Variants in GALNT2 observed in about 807,000 individuals in gnomAD.
GALNT2 encodes polypeptide N-acetylgalactosaminyltransferase 2.
In GALNT2, 31 loss-of-function variants were observed where a neutral mutation model predicts 81.4. That is an observed-to-expected ratio of 0.38 (90% confidence interval 0.29 to 0.51). GALNT2 has a LOEUF of 0.51. Among genes scored for constraint, GALNT2 ranks in the 20% least tolerant of loss-of-function variants. GALNT2 has a pLI of 0.87. For synonymous variants in GALNT2, 303 were observed against 287.4 expected (o/e 1.05, Z -0.55); for missense variants, 629 against 765.7 (o/e 0.82, Z 2.11).
intron 1 of GALNT2, among the ~76,000 whole-genome samples, chr1:230,073,550 GTT>G (rs1659439372): frequency 6.6e-6 from 1 of 152,226 alleles, no homozygotes; most frequent in Non-Finnish European, 1.5e-5. Context: ...AGCATGGGGT[GTT>G]TTATATGGAT....
At chr1:230,061,613 TG>T (rs1407029861) in intron 1 of GALNT2, among the ~76,000 whole-genome samples, 2 of 152,228 alleles carry the variant, frequency 1.3e-5, no homozygotes, top group African/African-American at 4.8e-5. Context: ...GATTTTATTT[TG>T]TTTTTTTAAT....
At chr1:230,178,818 T>A (rs932141361) in intron 2 of GALNT2, among the ~76,000 whole-genome samples, 1 of 152,126 alleles carries the variant, frequency 6.6e-6, no homozygotes, top group Non-Finnish European at 1.5e-5. Context: ...CTCTCGATGT[T>A]ACACATTCTG....
At chr1:230,248,796 C>T (rs1002676489) in intron 8 of GALNT2, among the ~76,000 whole-genome samples, 4 of 152,202 alleles carry the variant, frequency 2.6e-5, no homozygotes, top group Non-Finnish European at 5.9e-5. Flanking sequence ...GGAGGTACCA[C>T]GGCTTGATTT....
At chr1:230,196,136 T>C (rs997995428) in intron 2 of GALNT2, among the ~76,000 whole-genome samples, 1 of 152,252 alleles carries the variant, frequency 6.6e-6, no homozygotes, top group Non-Finnish European at 1.5e-5. Context: ...CAGCCCAGGC[T>C]AGAGGATTTG....
chr1:230,192,252 C>G (rs1011095532), intron 2 of GALNT2, among the ~76,000 whole-genome samples: 3 of 152,198 alleles, frequency 2.0e-5, no homozygotes, highest in Admixed American at 6.5e-5. Context: ...AGTTGTGGTT[C>G]CATCGTCTTA....
At position 230,255,356 on chromosome 1, in the gene GALNT2, A is replaced by C; in HGVS notation, c.1136+12A>C. 6.2e-7 allele frequency: 1 copy of C among 1,614,224 alleles called. No individual in the cohort carries two copies. Among genetic ancestry groups the C allele is most frequent in the Non-Finnish European group, 8.5e-7 (1 of 1,180,032 alleles). On this transcript the variant is annotated intron_variant, in intron 11 of 15. Coordinates refer to ENST00000366672, the MANE Select transcript of GALNT2 (RefSeq NM_004481.5). ...ACTGTCTTTGCCCGGTAAGTAGTGA[A>C]AGGCTGAGCGGGGTCCAAAACATTG...
At chr1:230,129,049 C>T (rs577905071) in intron 1 of GALNT2, among the ~76,000 whole-genome samples, 3 of 152,358 alleles carry the variant, frequency 2.0e-5, no homozygotes, top group East Asian at 1.9e-4. Flanking sequence ...GGCCAAATGC[C>T]GCCGCTAGCG....
At chr1:230,233,073 G>C (rs902538997) in intron 3 of GALNT2, among the ~76,000 whole-genome samples, 7 of 152,302 alleles carry the variant, frequency 4.6e-5, no homozygotes, top group Admixed American at 4.6e-4. Flanking sequence ...GAGGGAAAAC[G>C]AGTGTCTGTT....
chr1:230,207,963 A>G (rs890012774), intron 3 of GALNT2, among the ~76,000 whole-genome samples: 5 of 152,188 alleles, frequency 3.3e-5, no homozygotes, highest in African/African-American at 1.2e-4. Context: ...TTGGCGGTAC[A>G]TGTGAGATTT....
chr1:230,081,005 G>A (rs1659708680), intron 1 of GALNT2, among the ~76,000 whole-genome samples: 1 of 152,164 alleles, frequency 6.6e-6, no homozygotes, highest in African/African-American at 2.4e-5. Flanking sequence ...GCATTCACGA[G>A]CCCAGAGGCT....
chr1:230,077,419 G>GT (rs1416791278), intron 1 of GALNT2, among the ~76,000 whole-genome samples: 1 of 152,064 alleles, frequency 6.6e-6, no homozygotes, highest in Non-Finnish European at 1.5e-5. Context: ...GCCATTATTT[G>GT]TCAAACATGC....
intron 3 of GALNT2, among the ~76,000 whole-genome samples, chr1:230,226,718 G>T (rs993143138): frequency 1.3e-5 from 2 of 152,218 alleles, no homozygotes; most frequent in African/African-American, 4.8e-5. Context: ...CGCACCCGCG[G>T]ACATTTCTCC....
In GALNT2 at chr1:230,243,282, G is replaced by A. The variant is rs749525530; in HGVS notation, c.608-24G>A. ...GGCCCTGTGGCTTCTCTCTCCTGACGTGCTTTCCAACTCGCCTCTGCAGGC... is the reference window on the plus strand; with the variant it reads ...GGCCCTGTGGCTTCTCTCTCCTGACATGCTTTCCAACTCGCCTCTGCAGGC... On this transcript the variant is annotated intron_variant, in intron 6 of 15. Transcript: ENST00000366672. This position sits in a 1 kb window ranked among gnomAD's most constrained non-coding sequence, Gnocchi z 4.2. 5.1e-6 allele frequency: 8 copies of A among 1,583,340 alleles called. No individual in the cohort carries two copies. Among genetic ancestry groups the A allele is most frequent in the Non-Finnish European group, 6.0e-6 (7 of 1,167,192 alleles).
intron 13 of GALNT2, 61 bp downstream of exon 13, chr1:230,263,066 G>T (rs1665926684): frequency 7.2e-7 from 1 of 1,393,602 alleles, no homozygotes. Flanking sequence ...TAAGGCCATA[G>T]AAGCAGCAGA....
intron 1 of GALNT2, among the ~76,000 whole-genome samples, chr1:230,132,486 C>G (rs979057179): frequency 6.6e-6 from 1 of 152,188 alleles, no homozygotes; most frequent in Non-Finnish European, 1.5e-5. Flanking sequence ...CCTGCACCCC[C>G]TCTAGTTGGG....
At chr1:230,237,583 G>A (rs1307529442) in intron 6 of GALNT2, among the ~76,000 whole-genome samples, 1 of 151,982 alleles carries the variant, frequency 6.6e-6, no homozygotes, top group Non-Finnish European at 1.5e-5. Context: ...AATCTTATTG[G>A]CCAACACAGT....
intron 9 of GALNT2, 88 bp from the exon 10 acceptor site, chr1:230,250,369 C>A: frequency 1.1e-6 from 1 of 914,432 alleles, no homozygotes; most frequent in Non-Finnish European, 1.8e-6. Flanking sequence ...GTTAGGGAAT[C>A]AAGGCTTGGC....
intron 2 of GALNT2, among the ~76,000 whole-genome samples, chr1:230,185,523 C>T (rs920885193): frequency 5.9e-5 from 9 of 152,080 alleles, no homozygotes; most frequent in Non-Finnish European, 8.8e-5. Context: ...TGCTTCTCAG[C>T]TTCCCCCTCT....
intron 11 of GALNT2, among the ~76,000 whole-genome samples, chr1:230,258,347 A>C (rs1572147065): frequency 6.6e-6 from 1 of 151,928 alleles, no homozygotes; most frequent in African/African-American, 2.4e-5. Flanking sequence ...CCCCTGCCTC[A>C]GCCTCCTGAG....
Sources: gnomAD v4.1 joint callset for allele counts (sites outside exome capture counted in the v4.1 genomes callset) on GRCh38, gnomAD v4.1.1 for gene constraint, Gnocchi (gnomAD v3.1) non-coding constraint, MANE v1.5 for transcripts, NCBI Gene and HGNC (gene_info 2026-07-23, HGNC 2026-07-21) for gene names.